The following NSD2 variants were observed in gnomAD, a reference collection of about 807,000 sequenced individuals.
NSD2 encodes histone-lysine N-methyltransferase NSD2.
NSD2 carries 12 observed loss-of-function variants against 139.0 expected under a neutral mutation model. The ratio of observed to expected loss-of-function variants is 0.09; its 90% CI spans 0.06 to 0.14. NSD2 has a LOEUF of 0.14. NSD2 is among the 10% of genes least tolerant of loss of function. The pLI, the probability that NSD2 is intolerant of heterozygous loss-of-function variation, is 1.00. For synonymous variants in NSD2, 669 were observed against 648.7 expected (o/e 1.03, Z -0.48); for missense variants, 1,155 against 1,745.0 (o/e 0.66, Z 6.02).
At chr4:1,872,635 A>AGAGC (rs1179623184) in intron 1 of NSD2, among the ~76,000 whole-genome samples, 141 of 120,106 alleles carry the variant, frequency 1.2e-3, no homozygotes, top group African/African-American at 3.8e-3. Flanking sequence ...AGAGAGAGAG[A>AGAGC]GCGCGCAGAC....
chr4:1,945,428 A>G, intron 9 of NSD2: 1 of 1,064,384 alleles, frequency 9.4e-7, no homozygotes, highest in Non-Finnish European at 1.1e-6. Context: ...CTGCCAGAAC[A>G]AGTGCTGGGT....
intron 18 of NSD2, among the ~76,000 whole-genome samples, chr4:1,971,615 G>A (rs1347193691): frequency 1.3e-5 from 2 of 152,184 alleles, no homozygotes; most frequent in Non-Finnish European, 2.9e-5. Context: ...CATGTACTGA[G>A]GCGTGAGGTC....
intron 3 of NSD2, among the ~76,000 whole-genome samples, chr4:1,906,392 C>T (rs1429737108): frequency 2.0e-5 from 3 of 151,930 alleles, no homozygotes; most frequent in African/African-American, 7.3e-5. Flanking sequence ...GTGCGTGCCA[C>T]CACACCTGGC....
chr4:1,884,822 G>A (rs1246978816), intron 1 of NSD2, among the ~76,000 whole-genome samples: 1 of 152,046 alleles, frequency 6.6e-6, no homozygotes, highest in Non-Finnish European at 1.5e-5. Context: ...AAATTCAACT[G>A]CCTGGGCTGG....
intron 11 of NSD2, chr4:1,952,789 G>GA: frequency 8.7e-7 from 1 of 1,143,190 alleles, no homozygotes; most frequent in Non-Finnish European, 1.1e-6. Flanking sequence ...TGAGGATGAT[G>GA]AGAGGACACC....
At chr4:1,946,257 T>A (rs1338945993) in intron 9 of NSD2, 32 of 960,934 alleles carry the variant, frequency 3.3e-5, no homozygotes, top group African/African-American at 1.4e-4. Flanking sequence ...TGCATTTATT[T>A]ATTATTTATT....
At chr4:1,895,707 A>T (rs1560577773) in intron 1 of NSD2, among the ~76,000 whole-genome samples, 1 of 151,980 alleles carries the variant, frequency 6.6e-6, no homozygotes, top group Non-Finnish European at 1.5e-5. Flanking sequence ...TCCCGGGGAG[A>T]GGGGGGCTCC....
At chr4:1,938,574 C>T (rs773342195) in intron 8 of NSD2, 42 bp downstream of exon 8, 7 of 1,525,356 alleles carry the variant, frequency 4.6e-6, no homozygotes, top group African/African-American at 2.8e-5. Context: ...TTCTGGGTGC[C>T]CAGGCTGGGC....
chr4:1,886,792 T>G (rs1037219723), intron 1 of NSD2, among the ~76,000 whole-genome samples: 2 of 151,898 alleles, frequency 1.3e-5, no homozygotes, highest in Non-Finnish European at 2.9e-5. Context: ...TGAGCTGAGA[T>G]CGCGCCACTG....
intron 1 of NSD2, among the ~76,000 whole-genome samples, chr4:1,884,894 A>G (rs1342215205): frequency 1.3e-5 from 2 of 151,864 alleles, no homozygotes; most frequent in Admixed American, 1.3e-4. Flanking sequence ...GGATCACCTG[A>G]GGTCAGGAGT....
rs925637500 is a variant in NSD2 at position 1,940,122 on chromosome 4, C to T, written c.1881+344C>T. 13 of 1,151,244 alleles carry T rather than the reference C, an allele frequency of 1.1e-5. No individual in the cohort carries two copies. In the South Asian group the frequency reaches 1.8e-4, roughly 16 times the overall value. The allele number at this position is 1,151,244 out of a possible 1,614,324, so 71.3% of individuals were successfully genotyped here. On this transcript the variant is annotated intron_variant, in intron 9 of 21. Transcript: ENST00000508803. ...AAGAGTTCACATGGAAGTAAGTCTG[C>T]GTTGGTTCTGAAAGGGCACAGTGTC...
At chr4:1,952,893 AG>A in intron 11 of NSD2, 1 of 1,377,262 alleles carries the variant, frequency 7.3e-7, no homozygotes, top group Non-Finnish European at 9.4e-7. Context: ...ACACCTGGAG[AG>A]TCTCCCAGGC....
intron 21 of NSD2, among the ~76,000 whole-genome samples, chr4:1,978,124 C>T (rs983544278): frequency 2.7e-5 from 4 of 150,094 alleles, no homozygotes; most frequent in African/African-American, 1.0e-4. Context: ...TAGACTCCAT[C>T]TCAAAAAAAA....
At chr4:1,916,399 G>A (rs778680904) in intron 3 of NSD2, among the ~76,000 whole-genome samples, 5 of 152,240 alleles carry the variant, frequency 3.3e-5, no homozygotes, top group South Asian at 4.1e-4. Context: ...AGGCTGGAGA[G>A]CAGTGGTATG....
chr4:1,887,254 A>C (rs538474502), intron 1 of NSD2, among the ~76,000 whole-genome samples: 4 of 152,262 alleles, frequency 2.6e-5, no homozygotes, highest in African/African-American at 9.6e-5. Flanking sequence ...TGGTTCCATG[A>C]GGGAGGAAGT....
rs1256259808 is a variant in NSD2 at position 1,964,121 on chromosome 4, CA to C, written c.3372+2972del. 3.9e-5 allele frequency among the ~76,000 whole-genome samples: 6 copies of C among 152,140 alleles called. No individual in the cohort carries two copies. The East Asian group carries it at 1.2e-3, about 29-fold the overall frequency. On this transcript the variant is annotated intron_variant, in intron 18 of 21. Transcript: ENST00000508803. ...TGCTTTTAGCGAGGACCTGAGGTAA[CA>C]AGACTACATTTAAAGGAGAATGTGA...
At chr4:1,967,459 T>G (rs1042817745) in intron 18 of NSD2, among the ~76,000 whole-genome samples, 1 of 151,598 alleles carries the variant, frequency 6.6e-6, no homozygotes, top group Non-Finnish European at 1.5e-5. Context: ...GCGCCCATAA[T>G]CCCAGCTACT....
At chr4:1,885,037 G>C (rs575188526) in intron 1 of NSD2, among the ~76,000 whole-genome samples, 4 of 151,814 alleles carry the variant, frequency 2.6e-5, no homozygotes, top group Non-Finnish European at 4.4e-5. Context: ...TTGAACCCGG[G>C]AGGCGGAGGT....
At chr4:1,950,401 C>G (rs1724083621) in intron 9 of NSD2, among the ~76,000 whole-genome samples, 1 of 152,152 alleles carries the variant, frequency 6.6e-6, no homozygotes, top group Non-Finnish European at 1.5e-5. Flanking sequence ...TAGATTTTAC[C>G]TTGCCTTTGC....
Sources: gnomAD v4.1 joint callset for allele counts (sites outside exome capture counted in the v4.1 genomes callset) on GRCh38, gnomAD v4.1.1 for gene constraint, MANE v1.5 for transcripts, NCBI Gene and HGNC (gene_info 2026-07-23, HGNC 2026-07-21) for gene names.